ATXN2: variants seen among roughly 807,000 people sequenced by gnomAD.
The protein encoded by ATXN2 is ataxin 2.
A neutral mutation model predicts 138.6 loss-of-function variants in ATXN2; 37 were observed. The observed-to-expected ratio is 0.27, with a 90% confidence interval of 0.21 to 0.35. The LOEUF (loss-of-function observed/expected upper bound fraction) is 0.35. Ranked by LOEUF, ATXN2 falls within the 10% of genes least tolerant of loss-of-function variation. The pLI is 1.00. For missense variants in ATXN2, 1,216 were observed against 1,480.3 expected (o/e 0.82, Z 2.93); for synonymous variants, 549 against 543.7 (o/e 1.01, Z -0.13).
At chr12:111,476,570 G>A (rs1361007055) in intron 18 of ATXN2, among the ~76,000 whole-genome samples, 2 of 151,928 alleles carry the variant, frequency 1.3e-5, no homozygotes, top group East Asian at 1.9e-4. Context: ...AAGACACAAG[G>A]TCAATATTCA....
At position 111,488,799 on chromosome 12, in the gene ATXN2, T is replaced by G; in HGVS notation, c.1936-19A>C. 6.5e-7 allele frequency: 1 copy of G among 1,542,690 alleles called. No homozygotes were observed. The highest frequency in any genetic ancestry group is 8.8e-7 in the Non-Finnish European group (1 of 1,133,676). The stretch of plus-strand genomic sequence containing the variant: ...GCTGTAACTAAATAAAGGAAACAAT[T>G]ATACTTAAATATCTTAAATAACTTT... On this transcript the variant is annotated intron_variant, in intron 14 of 24. Coordinates refer to ENST00000673436, the MANE Select transcript of ATXN2 (RefSeq NM_001372574.1).
intron 1 of ATXN2, among the ~76,000 whole-genome samples, chr12:111,560,818 T>G (rs1276439254): frequency 6.7e-6 from 1 of 149,462 alleles, no homozygotes; most frequent in Admixed American, 6.7e-5. Flanking sequence ...GAAAAAGAAG[T>G]AGGCAATAGA....
intron 20 of ATXN2, among the ~76,000 whole-genome samples, chr12:111,465,606 C>T (rs1023573886): frequency 6.6e-6 from 1 of 151,292 alleles, no homozygotes; most frequent in Non-Finnish European, 1.5e-5. Flanking sequence ...CCCGTCTCTA[C>T]TAAAAATACA....
chr12:111,457,271 G>T lies in ATXN2; in HGVS notation c.2985C>A (p.Pro995=). The T allele has an allele frequency of 6.2e-7, 1 of 1,614,164 alleles. No homozygotes were observed. Among genetic ancestry groups the T allele is most frequent in the Non-Finnish European group, 8.5e-7 (1 of 1,179,988 alleles). Residue 995 remains proline (P), a synonymous_variant, in exon 22 of 25, where the codon CCC becomes CCA. Transcript: ENST00000673436. ...HTPHPQPSAT[P]TGQQQSQHGG... is the part of the protein sequence containing the mutation. ...CATGTTGGCTTTGCTGCTGTCCAGT[G>T]GGGGTAGCTGAAGGCTGAGGGTGTG...
chr12:111,591,007 G>A (rs534506079), intron 1 of ATXN2, among the ~76,000 whole-genome samples: 11 of 151,526 alleles, frequency 7.3e-5, no homozygotes, highest in Non-Finnish European at 1.2e-4. Flanking sequence ...CTCTTGCCTC[G>A]GCCTCCGGAG....
At position 111,453,074 on chromosome 12, in the gene ATXN2, A is replaced by T; in HGVS notation, c.3440-234T>A. On this transcript the variant is annotated intron_variant, in intron 24 of 24. Coordinates refer to ENST00000673436, the MANE Select transcript of ATXN2 (RefSeq NM_001372574.1). This position sits in a 1 kb window ranked among gnomAD's most constrained non-coding sequence, Gnocchi z 5.4. ...GATAAAACTCCCAGAAGACTTGTTC[A>T]TGGGGTAGAAAAAAAGGCCTTAACA... 2 of 1,288,328 alleles carry T rather than the reference A, an allele frequency of 1.6e-6. No individual in the cohort carries two copies. The highest frequency in any genetic ancestry group is 3.9e-5 in the Admixed American group (1 of 25,834). The allele number at this position is 1,288,328 out of a possible 1,614,324, so 79.8% of individuals were successfully genotyped here. A position where few individuals can be genotyped will look rare whatever the true frequency, so the allele number is the denominator to read the frequency against.
In ATXN2 at chr12:111,562,108, G is replaced by C. The variant is rs950909792; in HGVS notation, c.252-6189C>G. ...TTACAGGTGTGAGCCACTGCGCCCG[G>C]CCTCGAGACTCCACCTTAAAAAAAA... is the stretch of plus-strand genomic sequence containing the variant. On this transcript the variant is annotated intron_variant, in intron 1 of 24. Coordinates refer to ENST00000673436, the MANE Select transcript of ATXN2 (RefSeq NM_001372574.1). Among the ~76,000 whole-genome samples, 5 of 151,208 alleles carry C rather than the reference G, an allele frequency of 3.3e-5. No individual in the cohort carries two copies. In the South Asian group the frequency reaches 1.0e-3, roughly 32 times the overall value.
chr12:111,572,737 G>A (rs1181976271), intron 1 of ATXN2, among the ~76,000 whole-genome samples: 1 of 152,112 alleles, frequency 6.6e-6, no homozygotes, highest in Non-Finnish European at 1.5e-5. Context: ...CTTCCCTCTG[G>A]AAGACTAACA....
At chr12:111,511,768 G>A (rs1055473530) in intron 11 of ATXN2, 2 of 151,792 alleles carry the variant, frequency 1.3e-5, no homozygotes, top group Admixed American at 1.3e-4. Flanking sequence ...CTGACCGGCT[G>A]AAGAAGATTT....
Position 111,466,239 on chromosome 12 carries a change from C to T in ATXN2, c.2843-1524G>A, listed in dbSNP as rs1210711243. Among the ~76,000 whole-genome samples the T allele has an allele frequency of 2.0e-5, 3 of 151,200 alleles. No homozygotes were observed. The East Asian group carries it at 5.8e-4, about 29-fold the overall frequency. Reference sequence around the variant, plus strand: ...AGAGGCTGGGCACAGTGGCTCACGCCTGTAATCCCAGCACTTTGGGAGGCT... The same window carrying T: ...AGAGGCTGGGCACAGTGGCTCACGCTTGTAATCCCAGCACTTTGGGAGGCT... On this transcript the variant is annotated intron_variant, in intron 20 of 24. Coordinates refer to ENST00000673436, the MANE Select transcript of ATXN2 (RefSeq NM_001372574.1).
rs892938924 is a variant in ATXN2, at chr12:111,598,524, G to A, written c.251+260C>T. ...CCAACACGCGTGGGGAGGGGAGGCC[G>A]CCCGCTCCCTCCATCTTGACCGCCG... On this transcript the variant is annotated intron_variant, in intron 1 of 24. Coordinates refer to ENST00000673436, the MANE Select transcript of ATXN2 (RefSeq NM_001372574.1). This position sits in a 1 kb window ranked among gnomAD's most constrained non-coding sequence, Gnocchi z 4.5. 8 of 983,956 alleles carry A rather than the reference G, an allele frequency of 8.1e-6. No homozygotes were observed. The highest frequency in any genetic ancestry group is 9.6e-6 in the Non-Finnish European group (8 of 829,542). The allele number at this position is 983,956 out of a possible 1,614,324, so 61.0% of individuals were successfully genotyped here.
chr12:111,503,608 T>G (rs1878925169), intron 14 of ATXN2, among the ~76,000 whole-genome samples: 1 of 151,854 alleles, frequency 6.6e-6, no homozygotes, highest in Non-Finnish European at 1.5e-5. Context: ...TCCACTCTCT[T>G]TTTTTTTCTT....
chr12:111,535,729 G>A (rs1446794617), intron 5 of ATXN2, among the ~76,000 whole-genome samples: 2 of 152,090 alleles, frequency 1.3e-5, no homozygotes, highest in South Asian at 2.1e-4. Flanking sequence ...GGCCGGGCGC[G>A]GTGGCTCACG....
At chr12:111,464,457 G>A (rs541459305) in intron 21 of ATXN2, among the ~76,000 whole-genome samples, 2 of 151,874 alleles carry the variant, frequency 1.3e-5, no homozygotes, top group Non-Finnish European at 2.9e-5. Flanking sequence ...ATTGATTTCT[G>A]AAACAACTCC....
chr12:111,563,289 T>C (rs924977784), intron 1 of ATXN2, among the ~76,000 whole-genome samples: 1 of 152,098 alleles, frequency 6.6e-6, no homozygotes, highest in Non-Finnish European at 1.5e-5. Context: ...CACATATATA[T>C]GTAGAATATA....
chr12:111,453,076 G>A lies in ATXN2; in HGVS notation c.3440-236C>T, dbSNP rs1216320533. On this transcript the variant is annotated intron_variant, in intron 24 of 24. Coordinates refer to ENST00000673436, the MANE Select transcript of ATXN2 (RefSeq NM_001372574.1). The surrounding 1 kb of genome is among the most constrained non-coding windows in gnomAD (Gnocchi z 5.4). ...TAAAACTCCCAGAAGACTTGTTCAT[G>A]GGGTAGAAAAAAAGGCCTTAACAAA... 1 of 1,285,044 alleles carries A rather than the reference G, an allele frequency of 7.8e-7. No homozygotes were observed. The highest frequency in any genetic ancestry group is 9.8e-7 in the Non-Finnish European group (1 of 1,018,028). 79.6% of individuals were successfully genotyped at this position (1,285,044 alleles called of 1,614,324 possible). A position where few individuals can be genotyped will look rare whatever the true frequency, so the allele number is the denominator to read the frequency against.
At chr12:111,566,906 G>C (rs1883045092) in intron 1 of ATXN2, among the ~76,000 whole-genome samples, 1 of 152,122 alleles carries the variant, frequency 6.6e-6, no homozygotes, top group African/African-American at 2.4e-5. Context: ...CCAAAGTACT[G>C]GGATTACAGG....
At chr12:111,487,054 C>T (rs1474904920) in intron 15 of ATXN2, among the ~76,000 whole-genome samples, 1 of 152,106 alleles carries the variant, frequency 6.6e-6, no homozygotes, top group African/African-American at 2.4e-5. Flanking sequence ...TAATATACAA[C>T]CGTTCCTCTC....
rs1437229885 is a variant in ATXN2, at chr12:111,476,608, T to C, written c.2525-5866A>G. On this transcript the variant is annotated intron_variant, in intron 18 of 24. Coordinates refer to ENST00000673436, the MANE Select transcript of ATXN2 (RefSeq NM_001372574.1). ...AATCAAGTGCATCTCTATTTACGAA[T>C]AAACAAACGTTGAAAGTTTTTAAAA... is the stretch of plus-strand genomic sequence containing the variant. 2.0e-5 allele frequency among the ~76,000 whole-genome samples: 3 copies of C among 152,128 alleles called. No individual in the cohort carries two copies. The East Asian group carries it at 5.8e-4, about 29-fold the overall frequency.
Sources: gnomAD v4.1 joint callset for allele counts (sites outside exome capture counted in the v4.1 genomes callset) on GRCh38, gnomAD v4.1.1 for gene constraint, Gnocchi (gnomAD v3.1) non-coding constraint, MANE v1.5 for transcripts, NCBI Gene and HGNC (gene_info 2026-07-23, HGNC 2026-07-21) for gene names.